Variants in IL15 observed in about 807,000 individuals in gnomAD.
IL15 encodes interleukin-15.
In IL15, 11 loss-of-function variants were observed where a neutral mutation model predicts 19.6. The observed-to-expected ratio is 0.56, with a 90% CI of 0.35 to 0.93. The LOEUF (loss-of-function observed/expected upper bound fraction) is 0.93, where lower values mean the gene tolerates loss of function less well. Among genes scored for constraint, IL15 ranks in the 40% least tolerant of loss-of-function variants. The pLI, the probability that IL15 is intolerant of heterozygous loss-of-function variation, is 0.01. For synonymous variants in IL15, 58 were observed against 59.6 expected, an observed-to-expected ratio of 0.97 and a Z score of 0.12; for missense variants, 197 against 186.5, an observed-to-expected ratio of 1.06 and a Z score of -0.33.
At chr4:141,727,222 A>G (rs758194367) in intron 5 of IL15, among the ~76,000 whole-genome samples, 2 of 152,168 alleles carry the variant, frequency 1.3e-5, no homozygotes, top group African/African-American at 2.4e-5. Flanking sequence ...TGATTCACCA[A>G]CTATAACAAA....
intron 2 of IL15, among the ~76,000 whole-genome samples, chr4:141,690,048 G>A (rs1728857037): frequency 6.6e-6 from 1 of 152,190 alleles, no homozygotes; most frequent in Non-Finnish European, 1.5e-5. Flanking sequence ...CACAGCGCTG[G>A]TGGGCTGGCA....
intron 2 of IL15, among the ~76,000 whole-genome samples, chr4:141,687,050 G>A (rs1426833085): frequency 6.6e-6 from 1 of 152,196 alleles, no homozygotes; most frequent in Non-Finnish European, 1.5e-5. Context: ...TACTGGAAAT[G>A]CCACATTCTG....
intron 2 of IL15, among the ~76,000 whole-genome samples, chr4:141,692,388 A>G (rs1359087441): frequency 6.6e-6 from 1 of 152,232 alleles, no homozygotes; most frequent in Non-Finnish European, 1.5e-5. Context: ...AAATTTCTGC[A>G]GGCTTGAATT....
chr4:141,701,877 G>A (rs13123506), intron 2 of IL15, among the ~76,000 whole-genome samples: 73,548 of 152,026 alleles, frequency 0.48, 17,834 homozygotes, highest in South Asian at 0.59. Context: ...GTGTAGGAAT[G>A]TTGATGCTCC....
chr4:141,689,908 G>A (rs989649319), intron 2 of IL15, among the ~76,000 whole-genome samples: 5 of 152,236 alleles, frequency 3.3e-5, no homozygotes, highest in African/African-American at 4.8e-5. Context: ...TGGAGCAGGG[G>A]GCGGTGCTCA....
At chr4:141,654,178 T>A (rs1440486115) in intron 1 of IL15, among the ~76,000 whole-genome samples, 1 of 152,156 alleles carries the variant, frequency 6.6e-6, no homozygotes, top group Non-Finnish European at 1.5e-5. Flanking sequence ...AGTTGGACTG[T>A]GATGCAGTTG....
chr4:141,707,631 G>A (rs1034726676), intron 2 of IL15, among the ~76,000 whole-genome samples: 1 of 152,144 alleles, frequency 6.6e-6, no homozygotes, highest in Non-Finnish European at 1.5e-5. Context: ...TCAGTAGCAC[G>A]GTATCTGTGC....
rs779448020 is a variant in IL15, at chr4:141,732,741, G to T, written c.382G>T (p.Val128Leu). The change falls in exon 8 of 8, where the codon GTA becomes TTA. Residue 128 changes from valine to leucine, a missense_variant. Transcript: ENST00000320650. ...ANNSLSSNGN[V>L]TESGCKECEE... is the part of the protein sequence containing the mutation. ...AATCTCTCTCTATATTTTGCAGAAT[G>T]TAACAGAATCTGGATGCAAAGAATG... 1.2e-6 allele frequency: 2 copies of T among 1,609,528 alleles called. No individual in the cohort carries two copies. Among genetic ancestry groups the T allele is most frequent in the Non-Finnish European group, 1.7e-6 (2 of 1,178,820 alleles).
intron 6 of IL15, among the ~76,000 whole-genome samples, chr4:141,728,479 A>G (rs1730342426): frequency 1.3e-5 from 2 of 152,154 alleles, no homozygotes; most frequent in East Asian, 3.8e-4. Flanking sequence ...AACATAACCC[A>G]TGAAACTTAT....
At chr4:141,699,697 C>A (rs1729219760) in intron 2 of IL15, among the ~76,000 whole-genome samples, 1 of 151,918 alleles carries the variant, frequency 6.6e-6, no homozygotes, top group Non-Finnish European at 1.5e-5. Context: ...CACCTGTTTC[C>A]CTTAAGTTTA....
intron 7 of IL15, among the ~76,000 whole-genome samples, chr4:141,730,766 T>C (rs1730426062): frequency 6.6e-6 from 1 of 152,076 alleles, no homozygotes; most frequent in Non-Finnish European, 1.5e-5. Context: ...AAAACACCAG[T>C]GGCCAAAGCA....
At chr4:141,703,267 G>A (rs1213914637) in intron 2 of IL15, among the ~76,000 whole-genome samples, 2 of 152,040 alleles carry the variant, frequency 1.3e-5, no homozygotes, top group Non-Finnish European at 2.9e-5. Flanking sequence ...CTTCCCACTC[G>A]CCACCAAGTT....
At chr4:141,661,566 T>C (rs1727789443) in intron 2 of IL15, among the ~76,000 whole-genome samples, 1 of 152,176 alleles carries the variant, frequency 6.6e-6, no homozygotes. Flanking sequence ...GCCTGCACTG[T>C]GCACTTAGTG....
intron 7 of IL15, among the ~76,000 whole-genome samples, chr4:141,731,902 T>A (rs1292399294): frequency 4.6e-5 from 7 of 152,166 alleles, no homozygotes. Context: ...ACATTCTAGT[T>A]ATCCATGAGA....
At chr4:141,646,094 G>A (rs755666669) in intron 1 of IL15, among the ~76,000 whole-genome samples, 19 of 152,026 alleles carry the variant, frequency 1.2e-4, no homozygotes, top group Non-Finnish European at 2.6e-4. Context: ...TTAGTAGAGT[G>A]TCATGCATGT....
intron 2 of IL15, among the ~76,000 whole-genome samples, chr4:141,687,402 G>A (rs532188397): frequency 6.6e-6 from 1 of 152,214 alleles, no homozygotes; most frequent in South Asian, 2.1e-4. Flanking sequence ...TTAAGGAAAT[G>A]CTGGCAGCCT....
chr4:141,707,815 G>A (rs1012552239), intron 2 of IL15, among the ~76,000 whole-genome samples: 1 of 152,230 alleles, frequency 6.6e-6, no homozygotes, highest in Non-Finnish European at 1.5e-5. Context: ...TACCTCTCCA[G>A]AGAGTCAGTG....
intron 2 of IL15, among the ~76,000 whole-genome samples, chr4:141,659,084 T>C (rs1018991410): frequency 1.3e-5 from 2 of 151,972 alleles, no homozygotes; most frequent in African/African-American, 4.8e-5. Flanking sequence ...CTCCTGACCT[T>C]GTGATCCACC....
At chr4:141,639,431 G>C (rs565242954) in intron 1 of IL15, among the ~76,000 whole-genome samples, 1 of 152,078 alleles carries the variant, frequency 6.6e-6, no homozygotes, top group Non-Finnish European at 1.5e-5. Flanking sequence ...TATGTGTTTG[G>C]TATATTGGAG....
Sources: gnomAD v4.1 joint callset for allele counts (sites outside exome capture counted in the v4.1 genomes callset) on GRCh38, gnomAD v4.1.1 for gene constraint, MANE v1.5 for transcripts, NCBI Gene and HGNC (gene_info 2026-07-23, HGNC 2026-07-21) for gene names.